The following LRIG3 variants were observed in gnomAD, a reference collection of about 807,000 sequenced individuals.
LRIG3 encodes the protein leucine-rich repeats and immunoglobulin-like domains protein 3.
LRIG3 carries 76 observed loss-of-function variants against 114.5 expected under a neutral mutation model. That is an observed-to-expected ratio of 0.66 (90% CI 0.55 to 0.80). The LOEUF (loss-of-function observed/expected upper bound fraction) is 0.80, where lower values mean the gene tolerates loss of function less well. Among genes scored for constraint, LRIG3 ranks in the 30% least tolerant of loss-of-function variants. The pLI is 0.00. For synonymous variants in LRIG3, 512 were observed against 519.8 expected (o/e 0.98, Z 0.20); for missense variants, 1,239 against 1,382.8 (o/e 0.90, Z 1.65).
At chr12:58,909,149 C>T (rs927577299) in intron 3 of LRIG3, among the ~76,000 whole-genome samples, 1 of 152,190 alleles carries the variant, frequency 6.6e-6, no homozygotes, top group African/African-American at 2.4e-5. Flanking sequence ...CTTCCGACAC[C>T]TCTTCCCTGC....
At chr12:58,882,043 A>AC (rs1185141742) in intron 12 of LRIG3, among the ~76,000 whole-genome samples, 1 of 152,224 alleles carries the variant, frequency 6.6e-6, no homozygotes. Context: ...ATTTCCAGAA[A>AC]CTACTGGCAC....
At chr12:58,911,856 A>C (rs1872289798) in intron 3 of LRIG3, among the ~76,000 whole-genome samples, 1 of 152,220 alleles carries the variant, frequency 6.6e-6, no homozygotes, top group African/African-American at 2.4e-5. Context: ...AAACAACCAG[A>C]GAGGTAAATT....
At chr12:58,872,968 G>A in intron 18 of LRIG3, 152 bp from the exon 19 acceptor site, 1 of 1,068,814 alleles carries the variant, frequency 9.4e-7, no homozygotes, top group South Asian at 1.7e-5. Flanking sequence ...ATGTACATCT[G>A]TCTTACAGCC....
At chr12:58,874,686 T>A in intron 16 of LRIG3, 113 bp from the exon 17 acceptor site, 1 of 1,416,106 alleles carries the variant, frequency 7.1e-7, no homozygotes, top group Non-Finnish European at 9.5e-7. Flanking sequence ...GAACATCATA[T>A]AGACAAAAAA....
chr12:58,885,505 T>C (rs1167441440), intron 10 of LRIG3, among the ~76,000 whole-genome samples: 2 of 152,090 alleles, frequency 1.3e-5, no homozygotes, highest in Admixed American at 1.3e-4. Flanking sequence ...GCCTGATATA[T>C]AGTGGATGAA....
chr12:58,878,163 G>C (rs1486817680), intron 14 of LRIG3, among the ~76,000 whole-genome samples: 1 of 151,848 alleles, frequency 6.6e-6, no homozygotes, highest in Non-Finnish European at 1.5e-5. Context: ...AAAATAGAAA[G>C]TACAAAAATA....
chr12:58,902,113 A>G (rs969085988), intron 3 of LRIG3, among the ~76,000 whole-genome samples: 3 of 152,192 alleles, frequency 2.0e-5, no homozygotes, highest in Non-Finnish European at 4.4e-5. Context: ...CCAGAGGAGA[A>G]TAAGAGAAAG....
intron 5 of LRIG3, among the ~76,000 whole-genome samples, chr12:58,889,539 C>T (rs1871381809): frequency 6.6e-6 from 1 of 151,888 alleles, no homozygotes; most frequent in Non-Finnish European, 1.5e-5. Context: ...TTTTTAAAAG[C>T]TCCCCAAGTG....
At chr12:58,910,077 C>T (rs1015576016) in intron 3 of LRIG3, among the ~76,000 whole-genome samples, 1 of 152,152 alleles carries the variant, frequency 6.6e-6, no homozygotes, top group Non-Finnish European at 1.5e-5. Flanking sequence ...GGAATGATGA[C>T]AATGTCACCT....
rs200611962 is a variant in LRIG3 at position 58,880,676 on chromosome 12, C to T, written c.1706G>A (p.Arg569His). The T allele has an allele frequency of 5.4e-5, 87 of 1,614,064 alleles. No individual in the cohort carries two copies. The East Asian group carries it at 5.8e-4, about 11-fold the overall frequency. The stretch of plus-strand genomic sequence containing the variant: ...CCCCTCACTGGCAAATTCCACCTCG[C>T]GCAGCCGAAGGATGGTGGTATACTC... ...VMEYTTILRL[R>H]EVEFASEGKY... Residue 569 changes from arginine to histidine, a missense_variant, in exon 13 of 19, where the codon CGC becomes CAC. Coordinates refer to ENST00000320743, the MANE Select transcript of LRIG3 (RefSeq NM_153377.5).
At chr12:58,876,955 A>G (rs915355362) in intron 15 of LRIG3, among the ~76,000 whole-genome samples, 1 of 152,324 alleles carries the variant, frequency 6.6e-6, no homozygotes, top group African/African-American at 2.4e-5. Flanking sequence ...TCCCTTCTTA[A>G]TATTACTAAT....
rs769690531 is a variant in LRIG3 at position 58,913,993 on chromosome 12, T to C, written c.372A>G (p.Thr124=). ...TGATATTCACTTACAAGGAGAGAAG[T>C]GTAATATTTGCCGAGACTGGTCCCA... ...PNLGPVSANI[T]LLSLAGNRIV... Residue 124 remains threonine, a synonymous_variant, in exon 3 of 19, where the codon ACA becomes ACG. Transcript: ENST00000320743. 36 of 1,610,458 alleles carry C rather than the reference T, an allele frequency of 2.2e-5. No homozygotes were observed. The highest frequency in any genetic ancestry group is 2.9e-5 in the Non-Finnish European group (34 of 1,178,914).
At chr12:58,888,229 A>G in intron 7 of LRIG3, 100 bp downstream of exon 7, 1 of 1,415,770 alleles carries the variant, frequency 7.1e-7, no homozygotes, top group South Asian at 1.5e-5. Context: ...TCACCTTGGA[A>G]ACTTTGTTAT....
chr12:58,880,574 C>G lies in LRIG3; in HGVS notation c.1801+7G>C. The G allele has an allele frequency of 6.2e-7, 1 of 1,607,820 alleles. No individual in the cohort carries two copies. The highest frequency in any genetic ancestry group is 2.2e-5 in the East Asian group (1 of 44,696). ...TTAAATGCTAAAGGAAAAGTCAGAT[C>G]ACATACTATTTACTGTAAGCTTGGC... On this transcript the variant is annotated splice_region_variant and intron_variant, in intron 13 of 18. Coordinates refer to ENST00000320743, the MANE Select transcript of LRIG3 (RefSeq NM_153377.5).
At chr12:58,889,055 T>C in intron 5 of LRIG3, 93 bp from the exon 6 acceptor site, 1 of 1,221,246 alleles carries the variant, frequency 8.2e-7, no homozygotes, top group Admixed American at 2.4e-5. Flanking sequence ...GTTCAACCAG[T>C]CAGTGTTCAA....
chr12:58,880,939 AG>A, intron 12 of LRIG3, 38 bp from the exon 13 acceptor site: 1 of 1,573,906 alleles, frequency 6.4e-7, no homozygotes, highest in Non-Finnish European at 8.7e-7. Context: ...AACAATGTTA[AG>A]GCTCAAGAGT....
At position 58,888,891 on chromosome 12, in the gene LRIG3, A is replaced by C; in HGVS notation, c.731T>G (p.Leu244Arg). 7 of 1,613,900 alleles carry C rather than the reference A, an allele frequency of 4.3e-6. No individual in the cohort carries two copies. Among genetic ancestry groups the C allele is most frequent in the Non-Finnish European group, 5.9e-6 (7 of 1,179,858 alleles). Residue 244 changes from leucine to arginine, a missense_variant, in exon 6 of 19, where the codon CTG becomes CGG. Physicochemically the swap from Leu to Arg is moderately radical, Grantham distance 102. Coordinates refer to ENST00000320743, the MANE Select transcript of LRIG3 (RefSeq NM_153377.5). The stretch of plus-strand genomic sequence containing the variant: ...CGTTACTCCATTTCTTTGCATTTTC[A>C]GAGACTTCAGAGCACCAAGGCCTTG... ...TFQGLGALKS[L>R]KMQRNGVTKL...
At chr12:58,906,019 G>T (rs139247132) in intron 3 of LRIG3, among the ~76,000 whole-genome samples, 222 of 152,198 alleles carry the variant, frequency 1.5e-3, no homozygotes, top group African/African-American at 5.3e-3. Context: ...GAAGCAAACA[G>T]CCCATTCATC....
intron 3 of LRIG3, among the ~76,000 whole-genome samples, chr12:58,907,118 T>C (rs1381483360): frequency 1.3e-5 from 2 of 152,168 alleles, no homozygotes; most frequent in Non-Finnish European, 2.9e-5. Context: ...TGCTGGTACA[T>C]GCCCAGGCAT....
Sources: gnomAD v4.1 joint callset for allele counts (sites outside exome capture counted in the v4.1 genomes callset) on GRCh38, gnomAD v4.1.1 for gene constraint, MANE v1.5 for transcripts, NCBI Gene and HGNC (gene_info 2026-07-23, HGNC 2026-07-21) for gene names.